Variants in TFDP1 observed in about 807,000 individuals in gnomAD.
The protein encoded by TFDP1 is transcription factor Dp-1.
Under a neutral mutation model 48.0 loss-of-function variants are expected in TFDP1, and 6 were observed. The observed-to-expected ratio is 0.13, with a 90% CI of 0.07 to 0.25. The LOEUF is 0.25. Ranked by LOEUF, TFDP1 falls within the 10% of genes least tolerant of loss-of-function variation. The pLI, the probability that TFDP1 is intolerant of heterozygous loss-of-function variation, is 1.00. For missense variants in TFDP1, 335 were observed against 543.0 expected (o/e 0.62, Z 3.81); for synonymous variants, 201 against 211.6 (o/e 0.95, Z 0.44).
intron 2 of TFDP1, among the ~76,000 whole-genome samples, chr13:113,594,238 G>A (rs1446983514): frequency 4.6e-5 from 6 of 129,280 alleles, no homozygotes; most frequent in Admixed American, 2.4e-4. Context: ...GTCCTCAGCC[G>A]TGCCCAGGTG....
At chr13:113,624,593 C>G (rs991661240) in intron 4 of TFDP1, among the ~76,000 whole-genome samples, 18 of 147,444 alleles carry the variant, frequency 1.2e-4, no homozygotes, top group African/African-American at 4.6e-4. Flanking sequence ...CACATGTCCT[C>G]AGGTGTGTCT....
intron 8 of TFDP1, among the ~76,000 whole-genome samples, chr13:113,635,139 C>T (rs774136623): frequency 2.6e-5 from 4 of 152,190 alleles, no homozygotes; most frequent in Non-Finnish European, 5.9e-5. Context: ...CTGGAGCTGG[C>T]CTTCCCCACC....
chr13:113,595,845 G>A (rs2048273453), intron 2 of TFDP1, among the ~76,000 whole-genome samples: 1 of 152,246 alleles, frequency 6.6e-6, no homozygotes, highest in Non-Finnish European at 1.5e-5. Context: ...CACTTTGGGA[G>A]GCTGAGGCGG....
chr13:113,594,516 C>A (rs891083936), intron 2 of TFDP1, among the ~76,000 whole-genome samples: 9 of 150,808 alleles, frequency 6.0e-5, no homozygotes, highest in Non-Finnish European at 1.3e-4. Flanking sequence ...GGTCCTCAGC[C>A]CTGCCCAGGT....
rs2048153228 is a variant in TFDP1, at chr13:113,591,801, G to A, written c.12+5952G>A. ...TACGTGTGGGGATGGATCTGCGAGG[G>A]GAAGGGCAGATGTCAGCGTTGGCTG... On this transcript the variant is annotated intron_variant, in intron 2 of 11. Coordinates refer to ENST00000375370, the MANE Select transcript of TFDP1 (RefSeq NM_007111.5). 2.0e-5 allele frequency among the ~76,000 whole-genome samples: 3 copies of A among 152,174 alleles called. No homozygotes were observed. The South Asian group carries it at 6.2e-4, about 31-fold the overall frequency.
At chr13:113,602,987 C>CAA in intron 2 of TFDP1, among the ~76,000 whole-genome samples, 1 of 89,614 alleles carries the variant, frequency 1.1e-5, no homozygotes. Flanking sequence ...AAAAAAAAAA[C>CAA]GTATAATTTA....
Position 113,640,276 on chromosome 13 carries a change from C to A in TFDP1, c.*9C>A. ...ATGACGAGGACGACTGACGTCCTCC[C>A]CACTTCAGATTCGGCTTCAGGAAAA... is the stretch of plus-strand genomic sequence containing the variant. On this transcript the variant is annotated 3_prime_UTR_variant, in exon 12 of 12. Transcript: ENST00000375370. The A allele has an allele frequency of 6.2e-7, 1 of 1,606,900 alleles. No homozygotes were observed. Among genetic ancestry groups the A allele is most frequent in the Non-Finnish European group, 8.5e-7 (1 of 1,177,710 alleles).
In TFDP1 at chr13:113,610,241, A is replaced by G. The variant is rs187766891; in HGVS notation, c.13-755A>G. Among the ~76,000 whole-genome samples the G allele has an allele frequency of 4.2e-3, 610 of 146,962 alleles. 8 individuals are homozygous for G. The highest frequency in any genetic ancestry group is 0.015 in the African/African-American group (573 of 39,250). On this transcript the variant is annotated intron_variant, in intron 2 of 11. Transcript: ENST00000375370. ...GTCCTGTGTGGCTGTAGCATCACTC[A>G]TGTGCCTCTGCCATGTGGCTGTACC...
At chr13:113,588,519 A>G (rs2048059873) in intron 2 of TFDP1, among the ~76,000 whole-genome samples, 1 of 152,228 alleles carries the variant, frequency 6.6e-6, no homozygotes, top group African/African-American at 2.4e-5. Context: ...GAAGAGGATG[A>G]GGTCAGTCCT....
chr13:113,599,615 C>A (rs985759251), intron 2 of TFDP1, among the ~76,000 whole-genome samples: 1 of 152,202 alleles, frequency 6.6e-6, no homozygotes, highest in Non-Finnish European at 1.5e-5. Flanking sequence ...TGTAGTCCCC[C>A]CTGCCCTGTT....
chr13:113,621,531 A>C (rs1330047947), intron 3 of TFDP1, among the ~76,000 whole-genome samples: 3 of 152,248 alleles, frequency 2.0e-5, no homozygotes, highest in Non-Finnish European at 4.4e-5. Context: ...TCTTTATTCC[A>C]ATATTACAAT....
chr13:113,640,606 A>T lies in TFDP1; in HGVS notation c.*339A>T. 3.5e-6 allele frequency: 1 copy of T among 286,386 alleles called. No individual in the cohort carries two copies. Among genetic ancestry groups the T allele is most frequent in the Non-Finnish European group, 6.6e-6 (1 of 151,346 alleles). The allele number at this position is 286,386 out of a possible 1,614,324, so 17.7% of individuals were successfully genotyped here. A position where few individuals can be genotyped will look rare whatever the true frequency, so the allele number is the denominator to read the frequency against. The stretch of plus-strand genomic sequence containing the variant: ...AAGAAATTGTATTTCAACCACATCC[A>T]TGAAAATAAAACACCTCCTGTTGTG... On this transcript the variant is annotated 3_prime_UTR_variant, in exon 12 of 12. Coordinates refer to ENST00000375370, the MANE Select transcript of TFDP1 (RefSeq NM_007111.5).
chr13:113,619,836 G>C (rs1229441735), intron 3 of TFDP1, among the ~76,000 whole-genome samples: 2 of 152,168 alleles, frequency 1.3e-5, no homozygotes, highest in African/African-American at 4.8e-5. Flanking sequence ...GTTGGTTTGT[G>C]TCTAGGCTGG....
At chr13:113,638,478 A>G (rs964816316) in intron 11 of TFDP1, among the ~76,000 whole-genome samples, 6 of 151,070 alleles carry the variant, frequency 4.0e-5, no homozygotes, top group African/African-American at 1.2e-4. Context: ...CTGCGATCAC[A>G]GTGCATGTAT....
chr13:113,588,690 G>C (rs527626651), intron 2 of TFDP1, among the ~76,000 whole-genome samples: 1 of 151,614 alleles, frequency 6.6e-6, no homozygotes, highest in East Asian at 1.9e-4. Flanking sequence ...TGATGGTGTA[G>C]TAGTTAGAGA....
chr13:113,611,976 G>C (rs921786586), intron 3 of TFDP1, among the ~76,000 whole-genome samples: 3 of 152,062 alleles, frequency 2.0e-5, no homozygotes, highest in Admixed American at 6.5e-5. Context: ...TTTCCGTTTT[G>C]GGTTCCTAAA....
intron 8 of TFDP1, among the ~76,000 whole-genome samples, chr13:113,634,921 G>A (rs1326661354): frequency 1.3e-5 from 2 of 152,060 alleles, no homozygotes; most frequent in Non-Finnish European, 2.9e-5. Context: ...GCGTGTGTGT[G>A]TGTGCATGTG....
At chr13:113,625,840 G>A (rs1268445473) in intron 4 of TFDP1, among the ~76,000 whole-genome samples, 6 of 138,300 alleles carry the variant, frequency 4.3e-5, no homozygotes, top group Admixed American at 1.4e-4. Flanking sequence ...TGTCTCACGC[G>A]TCCTCAGGTG....
Position 113,640,625 on chromosome 13 carries a change from T to C in TFDP1, c.*358T>C, listed in dbSNP as rs1164426645. The C allele has an allele frequency of 4.7e-5, 13 of 276,720 alleles. No individual in the cohort carries two copies. The highest frequency in any genetic ancestry group is 6.9e-6 in the Non-Finnish European group (1 of 145,786). The allele number at this position is 276,720 out of a possible 1,614,324, so 17.1% of individuals were successfully genotyped here. A position where few individuals can be genotyped will look rare whatever the true frequency, so the allele number is the denominator to read the frequency against. On this transcript the variant is annotated 3_prime_UTR_variant, in exon 12 of 12. Transcript: ENST00000375370. The stretch of plus-strand genomic sequence containing the variant: ...ACATCCATGAAAATAAAACACCTCC[T>C]GTTGTGGATGGTGAGCCCCTGATGC...
Sources: gnomAD v4.1 joint callset for allele counts (sites outside exome capture counted in the v4.1 genomes callset) on GRCh38, gnomAD v4.1.1 for gene constraint, MANE v1.5 for transcripts, NCBI Gene and HGNC (gene_info 2026-07-23, HGNC 2026-07-21) for gene names.